Variants in LRRTM4 observed in about 807,000 individuals in gnomAD.
The protein encoded by LRRTM4 is leucine rich repeat transmembrane neuronal 4.
Under a neutral mutation model 47.6 loss-of-function variants are expected in LRRTM4, and 25 were observed. That is an observed-to-expected ratio of 0.53 (90% CI 0.38 to 0.73). The LOEUF is 0.73. Ranked by LOEUF, LRRTM4 falls within the 30% of genes least tolerant of loss-of-function variation. The pLI is 0.00. For synonymous variants in LRRTM4, 311 were observed against 269.5 expected (o/e 1.15, Z -1.51); for missense variants, 638 against 713.4 (o/e 0.89, Z 1.20).
chr2:76,770,401 T>G (rs1274229910), intron 3 of LRRTM4, among the ~76,000 whole-genome samples: 2 of 152,212 alleles, frequency 1.3e-5, no homozygotes, highest in African/African-American at 4.8e-5. Flanking sequence ...CCAAAAATTG[T>G]TACCAGGGAC....
intron 3 of LRRTM4, among the ~76,000 whole-genome samples, chr2:77,066,182 A>G (rs1679945806): frequency 1.3e-5 from 2 of 152,178 alleles, no homozygotes; most frequent in Non-Finnish European, 2.9e-5. Context: ...ATTGCTTATT[A>G]TAAATTCCTG....
chr2:76,994,779 TACATA>T, intron 3 of LRRTM4, among the ~76,000 whole-genome samples: 1 of 151,972 alleles, frequency 6.6e-6, no homozygotes, highest in Non-Finnish European at 1.5e-5. Context: ...AGCAAATAAT[TACATA>T]AAAGTGTATT....
intron 3 of LRRTM4, among the ~76,000 whole-genome samples, chr2:76,884,883 A>G (rs1440533183): frequency 6.6e-6 from 1 of 152,184 alleles, no homozygotes; most frequent in Non-Finnish European, 1.5e-5. Flanking sequence ...TACTTTCAAG[A>G]AAATTATTGT....
In LRRTM4 at chr2:76,957,746, T is replaced by C. The variant is rs1378952244; in HGVS notation, c.1552-208830A>G. On this transcript the variant is annotated intron_variant, in intron 3 of 3. Transcript: ENST00000409884. ...TGATGCACTTTCTATTAACAGGGTG[T>C]AAAAGCTTGAATATAAGAAGAATAA... 2.0e-5 allele frequency among the ~76,000 whole-genome samples: 3 copies of C among 151,612 alleles called. No individual in the cohort carries two copies. The East Asian group carries it at 5.9e-4, about 30-fold the overall frequency.
rs148852712 is a variant in LRRTM4, at chr2:77,331,234, T to C, written c.1551+187084A>G. On this transcript the variant is annotated intron_variant, in intron 3 of 3. Transcript: ENST00000409884. Reference sequence around the variant, plus strand: ...TAGCATTATTCTTTCTTATGACAGATGTATATTCTTTCCATAATACAGGCT... The same window carrying C: ...TAGCATTATTCTTTCTTATGACAGACGTATATTCTTTCCATAATACAGGCT... Among the ~76,000 whole-genome samples, 290 of 152,316 alleles carry C rather than the reference T, an allele frequency of 1.9e-3. 3 individuals carry two copies. Among genetic ancestry groups the C allele is most frequent in the African/African-American group, 6.6e-3 (275 of 41,566 alleles).
At position 76,976,014 on chromosome 2, in the gene LRRTM4, A is replaced by G. The variant is rs541833710; in HGVS notation, c.1552-227098T>C. 7.9e-5 allele frequency among the ~76,000 whole-genome samples: 12 copies of G among 151,902 alleles called. No homozygotes were observed. In the South Asian group the frequency reaches 2.5e-3, roughly 32 times the overall value. On this transcript the variant is annotated intron_variant, in intron 3 of 3. Coordinates refer to ENST00000409884, the MANE Select transcript of LRRTM4 (RefSeq NM_001134745.3). The stretch of plus-strand genomic sequence containing the variant: ...TTCTTGCTTCTAATTCTTTGGGGAA[A>G]TGGTGTTTCCTTCTATTGAATTATA...
chr2:77,382,317 G>C (rs1312605870), intron 3 of LRRTM4, among the ~76,000 whole-genome samples: 2 of 152,032 alleles, frequency 1.3e-5, no homozygotes. Flanking sequence ...AATGTAATTT[G>C]CTTTTAACCA....
chr2:77,286,495 C>T (rs1165801819), intron 3 of LRRTM4, among the ~76,000 whole-genome samples: 1 of 151,518 alleles, frequency 6.6e-6, no homozygotes, highest in African/African-American at 2.4e-5. Flanking sequence ...TGTTAACTAA[C>T]ATTTTGGCCT....
intron 3 of LRRTM4, among the ~76,000 whole-genome samples, chr2:77,095,692 T>C (rs985540054): frequency 2.0e-5 from 3 of 151,970 alleles, no homozygotes; most frequent in African/African-American, 7.3e-5. Context: ...TATTTTTTAG[T>C]AGAGACAGGG....
At chr2:77,123,010 A>G (rs148822395) in intron 3 of LRRTM4, among the ~76,000 whole-genome samples, 366 of 152,040 alleles carry the variant, frequency 2.4e-3, no homozygotes, top group Non-Finnish European at 4.1e-3. Flanking sequence ...GCATGGCTCA[A>G]TGTGTTAAGA....
chr2:77,306,488 T>C (rs1011277090), intron 3 of LRRTM4, among the ~76,000 whole-genome samples: 2 of 152,220 alleles, frequency 1.3e-5, no homozygotes, highest in African/African-American at 4.8e-5. Context: ...GGAGCAGACA[T>C]ATCCCAAAAT....
At chr2:76,943,558 T>C (rs889608899) in intron 3 of LRRTM4, among the ~76,000 whole-genome samples, 2 of 152,246 alleles carry the variant, frequency 1.3e-5, no homozygotes, top group East Asian at 1.9e-4. Context: ...TCTACATTTA[T>C]GCTGTATATG....
chr2:77,458,203 C>T (rs1676636895), intron 3 of LRRTM4, among the ~76,000 whole-genome samples: 1 of 152,148 alleles, frequency 6.6e-6, no homozygotes. Context: ...ATGTTAATCT[C>T]TGTTCAAATA....
intron 3 of LRRTM4, among the ~76,000 whole-genome samples, chr2:76,891,893 C>A (rs1673267083): frequency 1.3e-5 from 2 of 150,864 alleles, no homozygotes; most frequent in South Asian, 4.2e-4. Flanking sequence ...CAAAAAATGG[C>A]AAAAGTCAAA....
At chr2:77,517,147 C>A (rs1679241419) in intron 3 of LRRTM4, 1 of 984,892 alleles carries the variant, frequency 1.0e-6, no homozygotes, top group Non-Finnish European at 1.2e-6. Context: ...CAATTTACAT[C>A]CAGCATTACT....
chr2:77,352,749 AT>A (rs759980914), intron 3 of LRRTM4, among the ~76,000 whole-genome samples: 11 of 151,738 alleles, frequency 7.2e-5, no homozygotes, highest in Admixed American at 1.3e-4. Flanking sequence ...AGGAAGAACA[AT>A]TTTTTTTTGT....
intron 3 of LRRTM4, among the ~76,000 whole-genome samples, chr2:77,384,986 A>G (rs1348445932): frequency 6.6e-6 from 1 of 152,146 alleles, no homozygotes; most frequent in Non-Finnish European, 1.5e-5. Flanking sequence ...TTTACCAGTT[A>G]TAACCGGAGT....
At chr2:77,459,103 T>C (rs1470392697) in intron 3 of LRRTM4, among the ~76,000 whole-genome samples, 1 of 152,092 alleles carries the variant, frequency 6.6e-6, no homozygotes, top group Admixed American at 6.6e-5. Context: ...AGACATTCAT[T>C]TTTGTCCAAA....
At chr2:77,203,976 G>A (rs191245472) in intron 3 of LRRTM4, among the ~76,000 whole-genome samples, 10 of 152,262 alleles carry the variant, frequency 6.6e-5, no homozygotes, top group Admixed American at 3.3e-4. Context: ...GACCTGAAAC[G>A]ATGTTGCATT....
Sources: allele counts gnomAD v4.1 joint callset (sites outside exome capture counted in the v4.1 genomes callset), GRCh38; gene constraint gnomAD v4.1.1; transcripts MANE v1.5; gene names NCBI Gene and HGNC (gene_info 2026-07-23, HGNC 2026-07-21).